XIRP2: variants seen among roughly 807,000 people sequenced by gnomAD.
XIRP2 encodes xin actin-binding repeat-containing protein 2.
In XIRP2, 236 loss-of-function variants were observed where a neutral mutation model predicts 277.0. The observed-to-expected ratio is 0.85, with a 90% CI of 0.77 to 0.95. The LOEUF (loss-of-function observed/expected upper bound fraction) is 0.95. XIRP2 is among the 40% of genes least tolerant of loss of function. The pLI, the probability that XIRP2 is intolerant of heterozygous loss-of-function variation, is 0.00. For missense variants in XIRP2, 4,640 were observed against 4,157.5 expected (o/e 1.12, Z -3.19); for synonymous variants, 1,490 against 1,416.5 (o/e 1.05, Z -1.17).
intron 2 of XIRP2, among the ~76,000 whole-genome samples, chr2:166,964,025 A>G (rs1686364736): frequency 6.6e-6 from 1 of 151,666 alleles, no homozygotes; most frequent in African/African-American, 2.4e-5. Flanking sequence ...GTAGATCTTA[A>G]AGGACTTGGG....
At chr2:166,892,412 T>A (rs1684127162) in intron 1 of XIRP2, among the ~76,000 whole-genome samples, 1 of 152,204 alleles carries the variant, frequency 6.6e-6, no homozygotes, top group Non-Finnish European at 1.5e-5. Flanking sequence ...AAGAGACATG[T>A]GTTGATCTTT....
intron 2 of XIRP2, among the ~76,000 whole-genome samples, chr2:167,010,289 G>A (rs1249475609): frequency 2.6e-5 from 4 of 151,508 alleles, no homozygotes; most frequent in East Asian, 1.9e-4. Context: ...TCTACATATG[G>A]CTAGCCAGTT....
chr2:166,962,009 G>A (rs1028024847), intron 2 of XIRP2, among the ~76,000 whole-genome samples: 1 of 151,666 alleles, frequency 6.6e-6, no homozygotes, highest in African/African-American at 2.4e-5. Flanking sequence ...AGATCGGAAG[G>A]TGAAAAAGAG....
chr2:166,987,177 T>A (rs965915584), intron 2 of XIRP2, among the ~76,000 whole-genome samples: 2 of 152,004 alleles, frequency 1.3e-5, no homozygotes, highest in African/African-American at 2.4e-5. Flanking sequence ...GAAGAAAAAA[T>A]TTTAACATGG....
chr2:166,912,762 G>C (rs1428667565), intron 2 of XIRP2, among the ~76,000 whole-genome samples: 1 of 152,122 alleles, frequency 6.6e-6, no homozygotes, highest in African/African-American at 2.4e-5. Flanking sequence ...CTTTGATGAT[G>C]GTGACATACA....
At chr2:166,996,322 T>A (rs535569517) in intron 2 of XIRP2, among the ~76,000 whole-genome samples, 37 of 152,270 alleles carry the variant, frequency 2.4e-4, no homozygotes, top group African/African-American at 8.4e-4. Flanking sequence ...TTTGCCAACA[T>A]AAGTAAAATT....
At chr2:166,897,749 A>T (rs563228820) in intron 1 of XIRP2, among the ~76,000 whole-genome samples, 1 of 152,168 alleles carries the variant, frequency 6.6e-6, no homozygotes, top group South Asian at 2.1e-4. Context: ...GCTAGAGCTG[A>T]CCCAGAGTTT....
At chr2:167,173,365 A>C (rs989625473) in intron 3 of XIRP2, among the ~76,000 whole-genome samples, 11 of 152,192 alleles carry the variant, frequency 7.2e-5, no homozygotes, top group African/African-American at 2.7e-4. Context: ...CCCACAAACA[A>C]GTGAGAACAT....
chr2:167,245,894 C>A lies in XIRP2; in HGVS notation c.4502C>A (p.Ser1501Tyr), dbSNP rs1451307146. 1.2e-6 allele frequency: 2 copies of A among 1,613,654 alleles called. No homozygotes were observed. The highest frequency in any genetic ancestry group is 2.2e-5 in the South Asian group (2 of 91,064). ...CTTTTTGAAAATCGAACTTTCGATT[C>A]TATTATGGAAGCACATAAAGGTATC... ...VWLFENRTFDSIMEAHKGITK... is the reference protein window; with the variant it reads ...VWLFENRTFDYIMEAHKGITK... Residue 1501 changes from serine to tyrosine, a missense_variant, in exon 9 of 11, where the codon TCT becomes TAT. Coordinates refer to ENST00000409195, the MANE Select transcript of XIRP2 (RefSeq NM_152381.6).
intron 2 of XIRP2, among the ~76,000 whole-genome samples, chr2:167,024,714 T>C (rs954516808): frequency 6.6e-6 from 1 of 152,178 alleles, no homozygotes; most frequent in East Asian, 1.9e-4. Flanking sequence ...GAGATAATCA[T>C]GTGGTTTTTG....
chr2:167,067,708 G>A (rs7565998), intron 2 of XIRP2, among the ~76,000 whole-genome samples: 5,053 of 152,238 alleles, frequency 0.033, 143 homozygotes, highest in African/African-American at 0.077. Flanking sequence ...ATACTAGCTC[G>A]ATGCAGGGTT....
intron 2 of XIRP2, among the ~76,000 whole-genome samples, chr2:167,056,492 A>C (rs940128966): frequency 2.6e-5 from 4 of 152,118 alleles, no homozygotes; most frequent in African/African-American, 9.7e-5. Flanking sequence ...TTCCCAGTTT[A>C]TGCAAACTCA....
chr2:166,950,850 A>G (rs1429297031), intron 2 of XIRP2, among the ~76,000 whole-genome samples: 1 of 152,066 alleles, frequency 6.6e-6, no homozygotes, highest in Non-Finnish European at 1.5e-5. Flanking sequence ...AGACAGTACA[A>G]AGTTCCCTCG....
At chr2:167,118,388 A>G (rs530046743) in intron 2 of XIRP2, among the ~76,000 whole-genome samples, 86 of 152,162 alleles carry the variant, frequency 5.7e-4, no homozygotes, top group African/African-American at 1.8e-3. Flanking sequence ...AGGCTGAGGC[A>G]GGGGAATTGC....
chr2:166,925,417 T>A (rs1337586801), intron 2 of XIRP2, among the ~76,000 whole-genome samples: 1 of 151,792 alleles, frequency 6.6e-6, no homozygotes, highest in East Asian at 1.9e-4. Context: ...TTTGTATTGC[T>A]TTTTAGTTTA....
chr2:167,165,432 A>G (rs538515466), intron 3 of XIRP2, among the ~76,000 whole-genome samples: 1 of 152,334 alleles, frequency 6.6e-6, no homozygotes, highest in East Asian at 1.9e-4. Context: ...GCAGCCTTCC[A>G]AAGTGGCTGT....
At chr2:167,047,404 C>T (rs774111463) in intron 2 of XIRP2, among the ~76,000 whole-genome samples, 1 of 151,034 alleles carries the variant, frequency 6.6e-6, no homozygotes, top group Non-Finnish European at 1.5e-5. Flanking sequence ...GTGGGAAAAA[C>T]TTTAAAATCC....
chr2:167,041,626 G>T (rs1031350280), intron 2 of XIRP2, among the ~76,000 whole-genome samples: 7 of 151,812 alleles, frequency 4.6e-5, no homozygotes, highest in African/African-American at 1.4e-4. Flanking sequence ...CAAAAATAAA[G>T]AAAAAATAAC....
chr2:167,046,735 GAC>G (rs1688797787), intron 2 of XIRP2, among the ~76,000 whole-genome samples: 1 of 151,934 alleles, frequency 6.6e-6, no homozygotes, highest in Non-Finnish European at 1.5e-5. Flanking sequence ...AGTACACATG[GAC>G]ACAAAGAGGG....
Sources: allele counts gnomAD v4.1 joint callset (sites outside exome capture counted in the v4.1 genomes callset), GRCh38; gene constraint gnomAD v4.1.1; transcripts MANE v1.5; gene names NCBI Gene and HGNC (gene_info 2026-07-23, HGNC 2026-07-21).